The following PAPPA2 variants were observed in gnomAD, a reference collection of about 807,000 sequenced individuals.
PAPPA2 encodes pappalysin 2, also known as pappalysin-2.
In PAPPA2, 86 loss-of-function variants were observed where a neutral mutation model predicts 176.4. The ratio of observed to expected loss-of-function variants is 0.49; its 90% CI spans 0.41 to 0.58. The LOEUF (loss-of-function observed/expected upper bound fraction) is 0.58, where lower values mean the gene tolerates loss of function less well. Ranked by LOEUF, PAPPA2 falls within the 20% of genes least tolerant of loss-of-function variation. The pLI is 0.00. For missense variants in PAPPA2, 2,073 were observed against 2,256.9 expected (o/e 0.92, Z 1.65); for synonymous variants, 809 against 852.2 (o/e 0.95, Z 0.88).
chr1:176,817,389 G>A (rs183040789), intron 21 of PAPPA2, among the ~76,000 whole-genome samples: 9 of 152,210 alleles, frequency 5.9e-5, no homozygotes, highest in Non-Finnish European at 1.0e-4. Context: ...GAATGCTGCC[G>A]TGCTTGGGAT....
intron 12 of PAPPA2, among the ~76,000 whole-genome samples, chr1:176,713,158 CTTT>C (rs879717582): frequency 1.4e-5 from 2 of 143,122 alleles, no homozygotes; most frequent in Admixed American, 7.0e-5. Context: ...AATTCAAGTT[CTTT>C]TTTTTTTTTT....
At chr1:176,623,617 TCCTTCC>T (rs1279117398) in intron 3 of PAPPA2, among the ~76,000 whole-genome samples, 1,851 of 134,006 alleles carry the variant, frequency 0.014, 11 homozygotes, top group Middle Eastern at 0.033. Context: ...CTTCCTTCCT[TCCTTCC>T]TTTTTTACTT....
chr1:176,499,607 G>A (rs1558403684), intron 1 of PAPPA2, among the ~76,000 whole-genome samples: 1 of 152,134 alleles, frequency 6.6e-6, no homozygotes, highest in Non-Finnish European at 1.5e-5. Context: ...CCCAGATCTG[G>A]CTTCCAGCTG....
At chr1:176,510,702 A>G (rs1648548619) in intron 1 of PAPPA2, among the ~76,000 whole-genome samples, 1 of 151,976 alleles carries the variant, frequency 6.6e-6, no homozygotes, top group Admixed American at 6.6e-5. Flanking sequence ...ATAATAGTAC[A>G]AAGAATGGGA....
chr1:176,771,514 G>A (rs975901678), intron 17 of PAPPA2, among the ~76,000 whole-genome samples: 2 of 152,200 alleles, frequency 1.3e-5, no homozygotes, highest in African/African-American at 4.8e-5. Context: ...CTGGTCCCCA[G>A]TGCAGACACT....
intron 12 of PAPPA2, among the ~76,000 whole-genome samples, chr1:176,721,844 C>T (rs867615059): frequency 1.9e-4 from 29 of 149,104 alleles, no homozygotes; most frequent in African/African-American, 7.1e-4. Context: ...TGCTCATTTA[C>T]TTTTTTTTTT....
rs1348243456 is a variant in PAPPA2, at chr1:176,711,844, T to A, written c.3661T>A (p.Ser1221Thr). The A allele has an allele frequency of 6.2e-7, 1 of 1,606,106 alleles. No homozygotes were observed. The highest frequency in any genetic ancestry group is 1.1e-5 in the South Asian group (1 of 90,864). ...TGAAATTGTATTTCAGATTTGCACA[T>A]CATACCATCCAGATTTACCCAACCA... Reference protein sequence around the residue: ...TGEPHSLICTSYHPDLPNHRP... With the variant: ...TGEPHSLICTTYHPDLPNHRP... The change falls in exon 12 of 23, where the codon TCA becomes ACA. Residue 1221 changes from serine (S) to threonine (T), a missense_variant. Around this residue, in one of 4 missense-constraint regions of PAPPA2, gnomAD observed 846 missense variants for 857.9 expected, o/e 0.99. Coordinates refer to ENST00000367662, the MANE Select transcript of PAPPA2 (RefSeq NM_020318.3).
In PAPPA2 at chr1:176,631,057, A is replaced by T. The variant is rs544442889; in HGVS notation, c.1991+35462A>T. 5.3e-5 allele frequency among the ~76,000 whole-genome samples: 8 copies of T among 152,350 alleles called. No individual in the cohort carries two copies. The South Asian group carries it at 1.7e-3, about 32-fold the overall frequency. On this transcript the variant is annotated intron_variant, in intron 3 of 22. Coordinates refer to ENST00000367662, the MANE Select transcript of PAPPA2 (RefSeq NM_020318.3). ...CAGTTAAATGAGGAGACGTTAGAAG[A>T]AAAATGCTTCGACGAAACTGGAAAA...
At chr1:176,592,326 C>A (rs1178911773) in intron 2 of PAPPA2, among the ~76,000 whole-genome samples, 3 of 152,114 alleles carry the variant, frequency 2.0e-5, no homozygotes, top group African/African-American at 7.2e-5. Flanking sequence ...CAAAATAATA[C>A]TTCTACATAC....
Position 176,716,613 on chromosome 1 carries a change from T to TTG in PAPPA2, c.3798+4633_3798+4634insGT, listed in dbSNP as rs1482308477. 7.2e-4 allele frequency among the ~76,000 whole-genome samples: 107 copies of TTG among 147,840 alleles called. No homozygotes were observed. The South Asian group carries it at 9.0e-3, about 12-fold the overall frequency. ...ACAATTCCTTCCTTCTTTTTTTTTT[T>TTG]TTTTTTTTTGTTTTTTGAGATGGAG... On this transcript the variant is annotated intron_variant, in intron 12 of 22. Transcript: ENST00000367662.
intron 3 of PAPPA2, among the ~76,000 whole-genome samples, chr1:176,623,643 CTTTCTTTCTTTCTTTCTTTCTTTCTT>C (rs1242091392): frequency 7.2e-5 from 9 of 125,500 alleles, no homozygotes; most frequent in African/African-American, 9.6e-5. Flanking sequence ...TTCTTTCTTT[CTTTCTTTCTTTCTTTCTTTCTTTCTT>C]TTTCTTTCTT....
At chr1:176,523,389 C>G (rs932575984) in intron 1 of PAPPA2, among the ~76,000 whole-genome samples, 1 of 152,176 alleles carries the variant, frequency 6.6e-6, no homozygotes, top group Admixed American at 6.5e-5. Flanking sequence ...TGCCCAGAGA[C>G]TGTCAGATTA....
intron 12 of PAPPA2, among the ~76,000 whole-genome samples, chr1:176,713,160 T>G: frequency 6.8e-6 from 1 of 146,730 alleles, no homozygotes; most frequent in East Asian, 2.0e-4. Context: ...TTCAAGTTCT[T>G]TTTTTTTTTT....
At chr1:176,724,054 C>T (rs948337320) in intron 12 of PAPPA2, among the ~76,000 whole-genome samples, 1 of 152,150 alleles carries the variant, frequency 6.6e-6, no homozygotes, top group Non-Finnish European at 1.5e-5. Flanking sequence ...TGATTCTAAT[C>T]CCATGTTTAT....
chr1:176,653,337 A>G (rs1389685526), intron 3 of PAPPA2, among the ~76,000 whole-genome samples: 1 of 151,558 alleles, frequency 6.6e-6, no homozygotes, highest in Non-Finnish European at 1.5e-5. Context: ...AATGACACCA[A>G]CCCTCAAAAC....
chr1:176,656,859 GT>G (rs201231210), intron 3 of PAPPA2, among the ~76,000 whole-genome samples: 2 of 149,784 alleles, frequency 1.3e-5, no homozygotes, highest in African/African-American at 4.9e-5. Context: ...TAGACTTTCT[GT>G]TTTTTTTTGA....
chr1:176,829,006 AAAATAAAT>A (rs1271823974), intron 21 of PAPPA2, among the ~76,000 whole-genome samples: 2 of 152,058 alleles, frequency 1.3e-5, no homozygotes, highest in Non-Finnish European at 2.9e-5. Context: ...CCATCTCAAA[AAAATAAAT>A]AAATAAATAA....
At chr1:176,757,549 G>A (rs192410805) in intron 14 of PAPPA2, among the ~76,000 whole-genome samples, 57 of 151,834 alleles carry the variant, frequency 3.8e-4, no homozygotes, top group African/African-American at 1.3e-3. Context: ...CGTTTTGATG[G>A]GCTTGTTTTT....
chr1:176,612,110 C>G (rs1654960222), intron 3 of PAPPA2, among the ~76,000 whole-genome samples: 1 of 152,044 alleles, frequency 6.6e-6, no homozygotes, highest in Non-Finnish European at 1.5e-5. Context: ...TAAGAAAAGA[C>G]TGGCCAGTTG....
Sources: allele counts gnomAD v4.1 joint callset (sites outside exome capture counted in the v4.1 genomes callset), GRCh38; gene constraint gnomAD v4.1.1; regional missense constraint gnomAD v4.1.1; transcripts MANE v1.5; gene names NCBI Gene and HGNC (gene_info 2026-07-23, HGNC 2026-07-21).